The following ZNF680 variants were observed in gnomAD, a reference collection of about 807,000 sequenced individuals.
ZNF680 encodes the protein zinc finger protein 680.
ZNF680 carries 6 observed loss-of-function variants against 12.1 expected under a neutral mutation model. The observed-to-expected ratio is 0.49, with a 90% confidence interval of 0.27 to 0.98. The LOEUF (loss-of-function observed/expected upper bound fraction) is 0.98. Ranked by LOEUF, ZNF680 falls within the 50% of genes least tolerant of loss-of-function variation. ZNF680 has a pLI of 0.12. For missense variants in ZNF680, 561 were observed against 616.3 expected (o/e 0.91, Z 0.95); for synonymous variants, 170 against 199.3 (o/e 0.85, Z 1.24).
intron 3 of ZNF680, among the ~76,000 whole-genome samples, chr7:64,540,542 A>G (rs567686579): frequency 6.6e-6 from 1 of 152,154 alleles, no homozygotes; most frequent in South Asian, 2.1e-4. Context: ...TGACCTTCTG[A>G]TCCACCTGCC....
the ZNF680 span, among the ~76,000 whole-genome samples, chr7:64,509,518 T>C: frequency 6.6e-6 from 1 of 152,220 alleles, no homozygotes; most frequent in African/African-American, 2.4e-5. Flanking sequence ...TGTATAAAAG[T>C]TAATCAGTCT....
At chr7:64,516,345 T>G (rs538776384), downstream of ZNF680, among the ~76,000 whole-genome samples, 2 of 152,318 alleles carry the variant, frequency 1.3e-5, no homozygotes, top group African/African-American at 4.8e-5. Flanking sequence ...AAAGGCAGGA[T>G]AATTCACAGT....
chr7:64,522,605 AAAAT>A (rs1225072881), intron 3 of ZNF680, 105 bp from the exon 4 acceptor site: 21 of 897,806 alleles, frequency 2.3e-5, no homozygotes, highest in African/African-American at 3.5e-5. Flanking sequence ...GCAAAATACA[AAAAT>A]AAATAACTAA....
intron 3 of ZNF680, chr7:64,526,239 C>A (rs1791836346): frequency 9.1e-7 from 1 of 1,102,266 alleles, no homozygotes; most frequent in Non-Finnish European, 1.1e-6. Context: ...ATGAAAAAGG[C>A]TAAGAACTTC....
In ZNF680 at chr7:64,521,917, T is replaced by G. The variant is rs200240783; in HGVS notation, c.837A>C (p.Ser279=). The change falls in exon 4 of 4, where the codon TCA becomes TCC. Residue 279 remains serine, a synonymous_variant. Transcript: ENST00000309683. ...EECGKAFSLF[S]ILSKHKIIHT... ...GAATTATCTTATGTTTACTAAGGAT[T>G]GAGAATAAACTAAAGGCTTTGCCAC... 2.5e-5 allele frequency: 40 copies of G among 1,613,256 alleles called. No homozygotes were observed. The East Asian group carries it at 8.5e-4, about 34-fold the overall frequency.
the ZNF680 span, chr7:64,501,576 G>C: frequency 2.6e-6 from 2 of 764,138 alleles, no homozygotes; most frequent in African/African-American, 1.7e-5. Flanking sequence ...GAAGTCTGAG[G>C]GGGGCGCAGA....
chr7:64,553,081 C>T (rs913820620), intron 1 of ZNF680, among the ~76,000 whole-genome samples: 6 of 150,068 alleles, frequency 4.0e-5, no homozygotes, highest in East Asian at 3.9e-4. Context: ...GCTGAGACTG[C>T]GCCACTGCAC....
chr7:64,554,296 G>A (rs1787271947), intron 1 of ZNF680, among the ~76,000 whole-genome samples: 1 of 151,964 alleles, frequency 6.6e-6, no homozygotes. Flanking sequence ...GGGAAGTGAG[G>A]AGCGTCTCTG....
At chr7:64,504,838 T>C in the ZNF680 span, among the ~76,000 whole-genome samples, 1 of 152,242 alleles carries the variant, frequency 6.6e-6, no homozygotes, top group African/African-American at 2.4e-5. Flanking sequence ...TTTTGGCAGC[T>C]AATGGCATCT....
At chr7:64,553,179 GACA>G (rs1178855769) in intron 1 of ZNF680, among the ~76,000 whole-genome samples, 1 of 151,102 alleles carries the variant, frequency 6.6e-6, no homozygotes, top group Non-Finnish European at 1.5e-5. Context: ...TGCTTCCTGT[GACA>G]ATGCTAATTG....
intron 1 of ZNF680, among the ~76,000 whole-genome samples, chr7:64,551,099 G>A (rs1787052021): frequency 6.6e-6 from 1 of 152,148 alleles, no homozygotes; most frequent in Non-Finnish European, 1.5e-5. Flanking sequence ...ACAGCACCAT[G>A]TCATGCATAG....
At chr7:64,530,146 A>C (rs2116414934) in intron 3 of ZNF680, among the ~76,000 whole-genome samples, 1 of 152,358 alleles carries the variant, frequency 6.6e-6, no homozygotes, top group Middle Eastern at 3.4e-3. Context: ...AGAACTGCTA[A>C]AAGAGCTCTA....
chr7:64,500,709 G>C, the ZNF680 span: 1 of 252,756 alleles, frequency 4.0e-6, no homozygotes, highest in Non-Finnish European at 8.1e-6. Context: ...CCACGTTGCC[G>C]ACCTCGAGCA....
intron 3 of ZNF680, among the ~76,000 whole-genome samples, chr7:64,528,152 G>A (rs2116402325): frequency 6.6e-6 from 1 of 152,182 alleles, no homozygotes; most frequent in South Asian, 2.1e-4. Flanking sequence ...AAGGCCCTAG[G>A]AGCTCACTGG....
the ZNF680 span, among the ~76,000 whole-genome samples, chr7:64,504,352 A>T: frequency 6.6e-6 from 1 of 152,200 alleles, no homozygotes; most frequent in Non-Finnish European, 1.5e-5. Context: ...CACGTGCCAA[A>T]CACTGTTATT....
At chr7:64,502,920 C>T in the ZNF680 span, among the ~76,000 whole-genome samples, 4 of 151,748 alleles carry the variant, frequency 2.6e-5, no homozygotes, top group Admixed American at 6.6e-5. Context: ...GATGGAGTCT[C>T]GCTCTGTCTC....
At chr7:64,530,321 TCTAAATA>T (rs1177920049) in intron 3 of ZNF680, among the ~76,000 whole-genome samples, 4 of 152,084 alleles carry the variant, frequency 2.6e-5, no homozygotes, top group African/African-American at 9.7e-5. Context: ...GTATCTCACA[TCTAAATA>T]CTAACATTGA....
At chr7:64,500,106 C>A in the ZNF680 span, among the ~76,000 whole-genome samples, 1 of 152,120 alleles carries the variant, frequency 6.6e-6, no homozygotes, top group Admixed American at 6.5e-5. Flanking sequence ...CCAGCTGCCC[C>A]CCTAGGTTTA....
At chr7:64,512,435 A>G in the ZNF680 span, among the ~76,000 whole-genome samples, 4 of 149,626 alleles carry the variant, frequency 2.7e-5, no homozygotes, top group Non-Finnish European at 5.9e-5. Flanking sequence ...CCTGGGCAAC[A>G]AGAGCAAAAC....
Sources: allele counts gnomAD v4.1 joint callset (sites outside exome capture counted in the v4.1 genomes callset), GRCh38; gene constraint gnomAD v4.1.1; transcripts MANE v1.5; gene names NCBI Gene and HGNC (gene_info 2026-07-23, HGNC 2026-07-21).